Variants in SNX7 observed in about 807,000 individuals in gnomAD.
The protein encoded by SNX7 is sorting nexin 7, also known as sorting nexin-7.
Under a neutral mutation model 48.4 loss-of-function variants are expected in SNX7, and 35 were observed. The ratio of observed to expected loss-of-function variants is 0.72; its 90% CI spans 0.55 to 0.96. The LOEUF (loss-of-function observed/expected upper bound fraction) is 0.96, where lower values mean the gene tolerates loss of function less well. SNX7 is among the 40% of genes least tolerant of loss of function. The pLI, the probability that SNX7 is intolerant of heterozygous loss-of-function variation, is 0.00. For missense variants in SNX7, 553 were observed against 548.9 expected (o/e 1.01, Z -0.07); for synonymous variants, 190 against 190.2 (o/e 1.00, Z 0.01).
intron 1 of SNX7, chr1:98,662,154 C>G (rs1369329914): frequency 1.6e-5 from 6 of 365,224 alleles, no homozygotes; most frequent in Non-Finnish European, 2.9e-5. Flanking sequence ...TTCCGTTCGG[C>G]GGGGCTGTGG....
chr1:98,751,461 G>C (rs1289969826), intron 8 of SNX7, among the ~76,000 whole-genome samples: 1 of 151,812 alleles, frequency 6.6e-6, no homozygotes, highest in Non-Finnish European at 1.5e-5. Flanking sequence ...TTACCTGTTG[G>C]GTCTGTTTTC....
At chr1:98,750,900 G>T (rs533421625) in intron 8 of SNX7, among the ~76,000 whole-genome samples, 7 of 152,194 alleles carry the variant, frequency 4.6e-5, no homozygotes, top group African/African-American at 1.7e-4. Context: ...TCCACGCTGG[G>T]TCAAGCAAAG....
intron 7 of SNX7, among the ~76,000 whole-genome samples, chr1:98,732,908 A>G (rs563443003): frequency 2.0e-5 from 3 of 152,246 alleles, no homozygotes; most frequent in Admixed American, 6.6e-5. Context: ...CATCAGTTTT[A>G]CTTATTTCCT....
At chr1:98,695,756 G>A in intron 5 of SNX7, 40 bp downstream of exon 5, 1 of 1,354,572 alleles carries the variant, frequency 7.4e-7, no homozygotes, top group South Asian at 1.2e-5. Context: ...AAGTTGTTCA[G>A]TTTCTGATGA....
At chr1:98,745,954 G>C (rs911150881) in intron 8 of SNX7, among the ~76,000 whole-genome samples, 1 of 151,970 alleles carries the variant, frequency 6.6e-6, no homozygotes, top group African/African-American at 2.4e-5. Context: ...GATTAACCTT[G>C]TCCTTTTAAC....
At chr1:98,721,314 A>G (rs1203659840) in intron 7 of SNX7, among the ~76,000 whole-genome samples, 1 of 152,152 alleles carries the variant, frequency 6.6e-6, no homozygotes, top group African/African-American at 2.4e-5. Flanking sequence ...AACCTGTACT[A>G]TACTCATGTT....
intron 7 of SNX7, among the ~76,000 whole-genome samples, chr1:98,719,342 G>A (rs1297278196): frequency 6.6e-6 from 1 of 152,058 alleles, no homozygotes; most frequent in Admixed American, 6.6e-5. Flanking sequence ...GCTTATTCCT[G>A]TACCCTCCAC....
At chr1:98,717,583 C>T (rs1246702969) in intron 7 of SNX7, among the ~76,000 whole-genome samples, 1 of 152,102 alleles carries the variant, frequency 6.6e-6, no homozygotes, top group Non-Finnish European at 1.5e-5. Context: ...TAATACCAAT[C>T]AGAATTTGCA....
chr1:98,730,299 A>G (rs556834064), intron 7 of SNX7, among the ~76,000 whole-genome samples: 1 of 152,260 alleles, frequency 6.6e-6, no homozygotes, highest in African/African-American at 2.4e-5. Context: ...CCACAGCCAT[A>G]TCATACTGAA....
At chr1:98,685,313 T>G (rs1004218864) in intron 2 of SNX7, among the ~76,000 whole-genome samples, 12 of 152,166 alleles carry the variant, frequency 7.9e-5, no homozygotes, top group Non-Finnish European at 7.4e-5. Flanking sequence ...CTTCTTAGAA[T>G]AAGAATATCT....
chr1:98,756,419 T>A (rs1338227253), intron 8 of SNX7, among the ~76,000 whole-genome samples: 3 of 137,444 alleles, frequency 2.2e-5, no homozygotes, highest in Non-Finnish European at 4.6e-5. Context: ...TTCTGCCAGA[T>A]GAGTTTTTTT....
chr1:98,669,985 A>C (rs1184261482), intron 1 of SNX7, among the ~76,000 whole-genome samples: 3 of 152,228 alleles, frequency 2.0e-5, no homozygotes, highest in African/African-American at 7.2e-5. Context: ...TACATAAATG[A>C]ATGACGTAGC....
chr1:98,727,435 G>A (rs140768031), intron 7 of SNX7, among the ~76,000 whole-genome samples: 7 of 152,096 alleles, frequency 4.6e-5, no homozygotes, highest in East Asian at 1.9e-4. Flanking sequence ...AAAAATACAC[G>A]CTGAAAACTA....
At chr1:98,675,400 T>A (rs1038723215) in intron 1 of SNX7, among the ~76,000 whole-genome samples, 1 of 152,198 alleles carries the variant, frequency 6.6e-6, no homozygotes, top group Middle Eastern at 3.2e-3. Context: ...AAATCTTGGA[T>A]GTTGCTAAAT....
intron 4 of SNX7, among the ~76,000 whole-genome samples, chr1:98,694,829 C>T (rs144784416): frequency 0.013 from 1,922 of 151,728 alleles, 49 homozygotes; most frequent in African/African-American, 0.044. Context: ...AGGGTAGTCT[C>T]GATCTCCTGA....
chr1:98,685,423 T>C (rs972565451), intron 2 of SNX7, among the ~76,000 whole-genome samples: 1 of 152,202 alleles, frequency 6.6e-6, no homozygotes, highest in Non-Finnish European at 1.5e-5. Context: ...CGCAATATTA[T>C]GTATTCAGAT....
Position 98,702,161 on chromosome 1 carries a change from G to A in SNX7, c.1125+258G>A, listed in dbSNP as rs12565868. Among the ~76,000 whole-genome samples the A allele has an allele frequency of 0.03, 4,558 of 152,094 alleles. 366 individuals carry two copies. In the East Asian group the frequency reaches 0.34, roughly 11 times the overall value. ...TTAAGAAAGTATAATTTTGTAAAAA[G>A]GAAATAATGTGTTAGAAGAAAGTAT... On this transcript the variant is annotated intron_variant, in intron 7 of 8. Coordinates refer to ENST00000306121, the MANE Select transcript of SNX7 (RefSeq NM_015976.5).
intron 7 of SNX7, among the ~76,000 whole-genome samples, chr1:98,709,513 C>T (rs530038296): frequency 2.0e-5 from 3 of 152,248 alleles, no homozygotes; most frequent in Non-Finnish European, 4.4e-5. Flanking sequence ...GATGTTGTAC[C>T]ATTGATGCAT....
At chr1:98,674,325 AGTCTGACATCAAG>A (rs1228723998) in intron 1 of SNX7, among the ~76,000 whole-genome samples, 4 of 152,182 alleles carry the variant, frequency 2.6e-5, no homozygotes, top group Non-Finnish European at 1.5e-5. Context: ...GGAGGCCAGA[AGTCTGACATCAAG>A]AAGTCAGCAG....
Sources: gnomAD v4.1 joint callset for allele counts (sites outside exome capture counted in the v4.1 genomes callset) on GRCh38, gnomAD v4.1.1 for gene constraint, MANE v1.5 for transcripts, NCBI Gene and HGNC (gene_info 2026-07-23, HGNC 2026-07-21) for gene names.